DNM3: variants seen among roughly 807,000 people sequenced by gnomAD.
DNM3 encodes dynamin-3.
In DNM3, 47 loss-of-function variants were observed where a neutral mutation model predicts 101.6. The ratio of observed to expected loss-of-function variants is 0.46; its 90% CI spans 0.37 to 0.59. The LOEUF (loss-of-function observed/expected upper bound fraction) is 0.59. Among genes scored for constraint, DNM3 ranks in the 20% least tolerant of loss-of-function variants. The pLI is 0.00. For synonymous variants in DNM3, 385 were observed against 387.9 expected, an observed-to-expected ratio of 0.99 and a Z score of 0.09; for missense variants, 849 against 1,085.7, an observed-to-expected ratio of 0.78 and a Z score of 3.06.
intron 15 of DNM3, among the ~76,000 whole-genome samples, chr1:172,260,079 G>A (rs1421850441): frequency 6.6e-6 from 1 of 152,032 alleles, no homozygotes; most frequent in Non-Finnish European, 1.5e-5. Context: ...CATTTAGGAA[G>A]GATAATTTTG....
intron 2 of DNM3, 28 bp downstream of exon 2, chr1:171,921,849 G>A (rs2040197334): frequency 1.3e-6 from 2 of 1,573,196 alleles, no homozygotes; most frequent in South Asian, 1.2e-5. Flanking sequence ...TTACCGCATG[G>A]ATGGGCACAT....
At chr1:172,238,402 A>G (rs1344436277) in intron 14 of DNM3, among the ~76,000 whole-genome samples, 1 of 152,146 alleles carries the variant, frequency 6.6e-6, no homozygotes, top group Non-Finnish European at 1.5e-5. Flanking sequence ...GCTAGTGTAC[A>G]TGAATAATTC....
intron 15 of DNM3, among the ~76,000 whole-genome samples, chr1:172,270,861 A>C (rs1266795184): frequency 6.6e-6 from 1 of 152,186 alleles, no homozygotes; most frequent in African/African-American, 2.4e-5. Flanking sequence ...GTTTCAAAAA[A>C]TGCAGTTGCA....
chr1:172,072,278 A>G (rs2052258477), intron 11 of DNM3, among the ~76,000 whole-genome samples: 1 of 152,296 alleles, frequency 6.6e-6, no homozygotes, highest in Non-Finnish European at 1.5e-5. Flanking sequence ...CTAATGTTTC[A>G]GTTTTCTTCA....
At chr1:172,117,140 GGTT>G (rs2055962161) in intron 13 of DNM3, among the ~76,000 whole-genome samples, 1 of 151,980 alleles carries the variant, frequency 6.6e-6, no homozygotes, top group African/African-American at 2.4e-5. Flanking sequence ...AGGAGGCAGA[GGTT>G]GTGGTGAGCT....
chr1:172,381,988 C>T (rs1264074704), intron 18 of DNM3, among the ~76,000 whole-genome samples: 1 of 152,088 alleles, frequency 6.6e-6, no homozygotes, highest in East Asian at 1.9e-4. Flanking sequence ...ATGTTTCAGC[C>T]AACATTCATA....
intron 2 of DNM3, among the ~76,000 whole-genome samples, chr1:171,976,743 T>C (rs1232707721): frequency 1.3e-5 from 2 of 152,216 alleles, no homozygotes; most frequent in Non-Finnish European, 2.9e-5. Context: ...AAAAAGTTTT[T>C]TGTGGTTTTT....
chr1:172,388,149 G>A (rs780173547), intron 19 of DNM3, among the ~76,000 whole-genome samples: 3 of 151,804 alleles, frequency 2.0e-5, no homozygotes, highest in Non-Finnish European at 2.9e-5. Context: ...CAGGAGAATC[G>A]CTTGAATTCA....
chr1:171,947,966 CTTGT>C (rs1371978566), intron 2 of DNM3, among the ~76,000 whole-genome samples: 1 of 152,152 alleles, frequency 6.6e-6, no homozygotes, highest in African/African-American at 2.4e-5. Flanking sequence ...TGCTTTTCTT[CTTGT>C]TTGTTTGCTT....
At chr1:172,131,365 C>T in intron 14 of DNM3, 77 bp downstream of exon 14, 2 of 1,259,534 alleles carry the variant, frequency 1.6e-6, no homozygotes, top group South Asian at 2.7e-5. Flanking sequence ...TTATACTATG[C>T]AATTTTGAGA....
chr1:171,981,613 T>C (rs1281150222), intron 2 of DNM3, among the ~76,000 whole-genome samples: 2 of 152,208 alleles, frequency 1.3e-5, no homozygotes, highest in Admixed American at 1.3e-4. Flanking sequence ...AGTGCTAAAA[T>C]GTTTTAAAAG....
chr1:172,014,577 A>T (rs1202687244), intron 4 of DNM3, among the ~76,000 whole-genome samples: 1 of 152,182 alleles, frequency 6.6e-6, no homozygotes, highest in Non-Finnish European at 1.5e-5. Context: ...TCATAGGCTT[A>T]CTTGTCATCT....
chr1:172,283,759 C>CAAAAAAAAAAAAAAAAAAAAAAAA (rs769812358), intron 15 of DNM3, among the ~76,000 whole-genome samples: 1 of 40,288 alleles, frequency 2.5e-5, no homozygotes, highest in Non-Finnish European at 6.0e-5. Context: ...GACTCCATCT[C>CAAAAAAAAAAAAAAAAAAAAAAAA]AAAAAAAAAA....
At chr1:172,273,510 G>A (rs1197510042) in intron 15 of DNM3, among the ~76,000 whole-genome samples, 3 of 151,970 alleles carry the variant, frequency 2.0e-5, no homozygotes, top group Non-Finnish European at 4.4e-5. Context: ...GAAACTTTAG[G>A]ATTTCAAAAT....
Position 172,088,102 on chromosome 1 carries a change from C to T in DNM3, c.1494-4722C>T, listed in dbSNP as rs997808378. On this transcript the variant is annotated intron_variant, in intron 12 of 20. Transcript: ENST00000627582. ...CCATACGTATTTCTTAAGATACTAC[C>T]ATAAACCCTCTGCTAGGTAATGTCA... is the stretch of plus-strand genomic sequence containing the variant. 6.6e-5 allele frequency among the ~76,000 whole-genome samples: 10 copies of T among 152,248 alleles called. No individual in the cohort carries two copies. The East Asian group carries it at 1.9e-3, about 29-fold the overall frequency.
At chr1:172,254,204 G>A (rs894379666) in intron 15 of DNM3, among the ~76,000 whole-genome samples, 4 of 152,112 alleles carry the variant, frequency 2.6e-5, no homozygotes, top group Admixed American at 1.3e-4. Context: ...GGGATTACAG[G>A]CATGAGCCAC....
intron 13 of DNM3, among the ~76,000 whole-genome samples, chr1:172,103,867 G>T (rs185510138): frequency 6.6e-6 from 1 of 152,156 alleles, no homozygotes; most frequent in Non-Finnish European, 1.5e-5. Flanking sequence ...TGGGCGTGGT[G>T]GTGCATGCCT....
At chr1:171,940,761 A>G (rs1479252309) in intron 2 of DNM3, among the ~76,000 whole-genome samples, 1 of 152,132 alleles carries the variant, frequency 6.6e-6, no homozygotes, top group Non-Finnish European at 1.5e-5. Context: ...TTTTCTTGAC[A>G]TGTATATGAT....
At position 172,311,863 on chromosome 1, in the gene DNM3, C is replaced by T. The variant is rs532786978; in HGVS notation, c.1881+3024C>T. On this transcript the variant is annotated intron_variant, in intron 16 of 20. Coordinates refer to ENST00000627582, the MANE Select transcript of DNM3 (RefSeq NM_015569.5). The stretch of plus-strand genomic sequence containing the variant: ...CAATTGCTTAGAAGATCAAGACAAA[C>T]GAATTTTTAGTACATACCGAAGGCA... Among the ~76,000 whole-genome samples, 23 of 152,232 alleles carry T rather than the reference C, an allele frequency of 1.5e-4. No homozygotes were observed. The South Asian group carries it at 2.9e-3, about 19-fold the overall frequency.
Sources: gnomAD v4.1 joint callset for allele counts (sites outside exome capture counted in the v4.1 genomes callset) on GRCh38, gnomAD v4.1.1 for gene constraint, MANE v1.5 for transcripts, NCBI Gene and HGNC (gene_info 2026-07-23, HGNC 2026-07-21) for gene names.